PHF21A: variants seen among roughly 807,000 people sequenced by gnomAD.
PHF21A encodes BHC80a.
In PHF21A, 11 loss-of-function variants were observed where a neutral mutation model predicts 82.5. That is an observed-to-expected ratio of 0.13 (90% CI 0.08 to 0.22). The LOEUF is 0.22. Ranked by LOEUF, PHF21A falls within the 10% of genes least tolerant of loss-of-function variation. The probability of loss-of-function intolerance (pLI) is 1.00; values close to 1 mark genes in which losing one functional copy is unlikely to be tolerated. For synonymous variants in PHF21A, 297 were observed against 302.8 expected (o/e 0.98, Z 0.20); for missense variants, 579 against 837.8 (o/e 0.69, Z 3.81).
In PHF21A at chr11:45,965,375, T is replaced by A. The variant is rs748429647; in HGVS notation, c.936A>T (p.Pro312=). ...AQLTSIVIAT[P]GTRLAGPQTV... is the part of the protein sequence containing the mutation. ...TTTGAGGTCCAGCGAGTCTGGTCCCTGGAGTAGCTATCACAATGCTGGTGA... is the reference window on the plus strand; with the variant it reads ...TTTGAGGTCCAGCGAGTCTGGTCCCAGGAGTAGCTATCACAATGCTGGTGA... Residue 312 remains proline, a synonymous_variant, in exon 10 of 19, where the codon CCA becomes CCT. Transcript: ENST00000676320. 6.2e-7 allele frequency: 1 copy of A among 1,614,088 alleles called. No individual in the cohort carries two copies. The highest frequency in any genetic ancestry group is 1.1e-5 in the South Asian group (1 of 91,054).
At chr11:45,996,195 C>T (rs1591745992) in intron 6 of PHF21A, among the ~76,000 whole-genome samples, 1 of 152,104 alleles carries the variant, frequency 6.6e-6, no homozygotes, top group South Asian at 2.1e-4. Context: ...CCTCCTGGCT[C>T]GGCCTCCCAA....
chr11:46,091,824 G>C (rs2096928214), intron 2 of PHF21A, among the ~76,000 whole-genome samples: 1 of 67,028 alleles, frequency 1.5e-5, no homozygotes, highest in South Asian at 6.9e-4. Context: ...AGTAACTGGA[G>C]CTATAGGCAC....
intron 6 of PHF21A, among the ~76,000 whole-genome samples, chr11:46,069,790 T>A (rs1255333140): frequency 1.1e-4 from 17 of 152,184 alleles, no homozygotes; most frequent in Admixed American, 1.1e-3. Flanking sequence ...GCACTTGTGA[T>A]TGAGTTAAAT....
At chr11:46,074,966 A>G (rs1320898055) in intron 6 of PHF21A, among the ~76,000 whole-genome samples, 2 of 152,268 alleles carry the variant, frequency 1.3e-5, no homozygotes, top group African/African-American at 4.8e-5. Flanking sequence ...TTAAGGAAAT[A>G]TAAAAATTGC....
chr11:46,052,779 T>C lies in PHF21A; in HGVS notation c.153+23975A>G, dbSNP rs2096388692. On this transcript the variant is annotated intron_variant, in intron 6 of 18. Transcript: ENST00000676320. ...CTAGTAAGTCTTTAAATATTTTCCCTTTTACTTCCAGTTAACAAGCCTTTT... is the reference window on the plus strand; with the variant it reads ...CTAGTAAGTCTTTAAATATTTTCCCCTTTACTTCCAGTTAACAAGCCTTTT... Among the ~76,000 whole-genome samples, 3 of 152,206 alleles carry C rather than the reference T, an allele frequency of 2.0e-5. 1 individual carries two copies. The South Asian group carries it at 6.2e-4, about 31-fold the overall frequency.
chr11:46,082,886 A>T (rs931554057), intron 4 of PHF21A, among the ~76,000 whole-genome samples: 1 of 152,218 alleles, frequency 6.6e-6, no homozygotes, highest in Non-Finnish European at 1.5e-5. Flanking sequence ...TAACTTTGCC[A>T]TCTCAATACT....
At chr11:46,107,292 G>A (rs1264658761) in intron 1 of PHF21A, among the ~76,000 whole-genome samples, 3 of 152,074 alleles carry the variant, frequency 2.0e-5, no homozygotes, top group East Asian at 3.8e-4. Flanking sequence ...GGAAAACTAG[G>A]CTCTACCACT....
chr11:46,107,370 T>TA (rs2097163540), intron 1 of PHF21A, among the ~76,000 whole-genome samples: 1 of 152,182 alleles, frequency 6.6e-6, no homozygotes, highest in African/African-American at 2.4e-5. Flanking sequence ...TGTACACTAT[T>TA]AGACTAGAAT....
intron 6 of PHF21A, among the ~76,000 whole-genome samples, chr11:46,012,302 C>T (rs1228746602): frequency 6.6e-6 from 1 of 152,192 alleles, no homozygotes; most frequent in Non-Finnish European, 1.5e-5. Context: ...TTTCCTGTCA[C>T]CATCTGCTTA....
chr11:46,052,825 G>A (rs371576180), intron 6 of PHF21A, among the ~76,000 whole-genome samples: 1 of 152,062 alleles, frequency 6.6e-6, no homozygotes, highest in African/African-American at 2.4e-5. Context: ...GGACATCTCT[G>A]ACCAAGCCAT....
At chr11:45,989,328 C>T (rs927525346) in intron 6 of PHF21A, among the ~76,000 whole-genome samples, 2 of 151,932 alleles carry the variant, frequency 1.3e-5, no homozygotes, top group Non-Finnish European at 2.9e-5. Flanking sequence ...CATGAACGAT[C>T]TCTTAATGAA....
At chr11:46,059,307 A>C (rs1348410659) in intron 6 of PHF21A, among the ~76,000 whole-genome samples, 1 of 152,244 alleles carries the variant, frequency 6.6e-6, no homozygotes, top group African/African-American at 2.4e-5. Flanking sequence ...ATGATAGGAT[A>C]CTATCAAGCC....
intron 6 of PHF21A, among the ~76,000 whole-genome samples, chr11:46,042,013 A>G (rs987613049): frequency 6.6e-6 from 1 of 152,154 alleles, no homozygotes. Flanking sequence ...AGTGTTAAAA[A>G]TGGCAATTTT....
At chr11:45,964,722 G>T (rs1483211939) in intron 10 of PHF21A, among the ~76,000 whole-genome samples, 1 of 152,122 alleles carries the variant, frequency 6.6e-6, no homozygotes, top group African/African-American at 2.4e-5. Flanking sequence ...CAGGTTACTT[G>T]TATGTCTCTA....
chr11:46,057,838 T>C (rs2096482101), intron 6 of PHF21A, among the ~76,000 whole-genome samples: 1 of 152,150 alleles, frequency 6.6e-6, no homozygotes, highest in Non-Finnish European at 1.5e-5. Flanking sequence ...TGTAAAAATA[T>C]GGTGCTTAAG....
chr11:46,104,943 T>C (rs780646685), intron 1 of PHF21A, among the ~76,000 whole-genome samples: 3 of 152,244 alleles, frequency 2.0e-5, no homozygotes, highest in Non-Finnish European at 4.4e-5. Flanking sequence ...CAGGCTCTTA[T>C]ACTAATACTT....
intron 6 of PHF21A, among the ~76,000 whole-genome samples, chr11:46,052,539 C>T (rs2096384577): frequency 2.0e-5 from 3 of 151,762 alleles, no homozygotes; most frequent in Admixed American, 6.6e-5. Context: ...AAAAAAAAAC[C>T]ATGTTTACTT....
intron 6 of PHF21A, among the ~76,000 whole-genome samples, chr11:46,073,870 G>C (rs2096686758): frequency 6.6e-6 from 1 of 152,090 alleles, no homozygotes; most frequent in Non-Finnish European, 1.5e-5. Context: ...AAATCTGCCA[G>C]AGTTTCTTTC....
At chr11:46,039,408 CA>C (rs1298935184) in intron 6 of PHF21A, among the ~76,000 whole-genome samples, 3 of 152,050 alleles carry the variant, frequency 2.0e-5, no homozygotes, top group Non-Finnish European at 4.4e-5. Context: ...GTAAAAAGTC[CA>C]AGTCTTTGTC....
Sources: allele counts gnomAD v4.1 joint callset (sites outside exome capture counted in the v4.1 genomes callset), GRCh38; gene constraint gnomAD v4.1.1; transcripts MANE v1.5; gene names NCBI Gene and HGNC (gene_info 2026-07-23, HGNC 2026-07-21).